Variants in ACOT7 observed in about 807,000 individuals in gnomAD.
ACOT7 encodes the protein acyl-CoA thioesterase 7, also known as cytosolic acyl coenzyme A thioester hydrolase.
A neutral mutation model predicts 40.2 loss-of-function variants in ACOT7; 12 were observed. The ratio of observed to expected loss-of-function variants is 0.30; its 90% CI spans 0.19 to 0.48. The LOEUF (loss-of-function observed/expected upper bound fraction) is 0.48. ACOT7 is among the 20% of genes least tolerant of loss of function. ACOT7 has a pLI of 0.99. For synonymous variants in ACOT7, 228 were observed against 219.5 expected, an observed-to-expected ratio of 1.04 and a Z score of -0.34; for missense variants, 395 against 530.8, an observed-to-expected ratio of 0.74 and a Z score of 2.51.
In ACOT7 at chr1:6,393,689, G is replaced by C. The variant is rs558671807; in HGVS notation, c.-290C>G. 55 of 223,512 alleles carry C rather than the reference G, an allele frequency of 2.5e-4. 1 individual carries two copies. Among genetic ancestry groups the C allele is most frequent in the Non-Finnish European group, 5.2e-5 (6 of 115,124 alleles). The allele number at this position is 223,512 out of a possible 1,614,324, so 13.8% of individuals were successfully genotyped here. The stretch of plus-strand genomic sequence containing the variant: ...GCGCCCGACCCGGTGGCAGCCCCGA[G>C]GGAAGCGTCTGGGGCGGCCTAAGTG... On this transcript the variant is annotated 5_prime_UTR_variant, in exon 1 of 9. Coordinates refer to ENST00000361521, the MANE Select transcript of ACOT7 (RefSeq NM_007274.4).
At chr1:6,269,551 C>T (rs969274617) in intron 8 of ACOT7, among the ~76,000 whole-genome samples, 1 of 152,258 alleles carries the variant, frequency 6.6e-6, no homozygotes, top group Non-Finnish European at 1.5e-5. Flanking sequence ...CAGCCTGAGG[C>T]GGGCACGAGC....
At chr1:6,332,492 C>T (rs1640983573) in intron 4 of ACOT7, among the ~76,000 whole-genome samples, 1 of 152,202 alleles carries the variant, frequency 6.6e-6, no homozygotes, top group Admixed American at 6.5e-5. Flanking sequence ...ATGGCAGGAC[C>T]CCTCTGACAA....
chr1:6,322,320 A>G (rs933493003), intron 5 of ACOT7, among the ~76,000 whole-genome samples: 10 of 152,222 alleles, frequency 6.6e-5, no homozygotes, highest in African/African-American at 2.2e-4. Flanking sequence ...ACTCCATGAC[A>G]TGCTACTTCT....
At chr1:6,348,352 GCA>G (rs1000322091) in intron 2 of ACOT7, among the ~76,000 whole-genome samples, 1 of 148,720 alleles carries the variant, frequency 6.7e-6, no homozygotes, top group African/African-American at 2.5e-5. Flanking sequence ...ACACACACAC[GCA>G]CACACACACA....
chr1:6,339,738 G>A (rs911664052), intron 2 of ACOT7, 149 bp from the exon 3 acceptor site: 10 of 762,266 alleles, frequency 1.3e-5, no homozygotes, highest in African/African-American at 4.6e-5. Flanking sequence ...TTGGCACCGC[G>A]GTTTTTTTTT....
intron 6 of ACOT7, among the ~76,000 whole-genome samples, chr1:6,312,461 C>A (rs575882431): frequency 5.3e-4 from 62 of 116,624 alleles, no homozygotes; most frequent in African/African-American, 1.4e-3. Flanking sequence ...CTCTCCCTTT[C>A]TTTCTTTATT....
Position 6,376,882 on chromosome 1 carries a change from AAAT to A in ACOT7, c.143+16372_143+16374del, listed in dbSNP as rs568413447. The stretch of plus-strand genomic sequence containing the variant: ...TGTCTAAAAAATAAAAAATAAAAAT[AAAT>A]AATAATAAGGTGGGAGGGTGGCGGC... On this transcript the variant is annotated intron_variant, in intron 1 of 8. Transcript: ENST00000361521. Among the ~76,000 whole-genome samples, 12 of 152,220 alleles carry A rather than the reference AAAT, an allele frequency of 7.9e-5. No homozygotes were observed. In the East Asian group the frequency reaches 2.1e-3, roughly 27 times the overall value.
chr1:6,392,322 G>A (rs531311461), intron 1 of ACOT7, among the ~76,000 whole-genome samples: 2 of 152,294 alleles, frequency 1.3e-5, no homozygotes, highest in African/African-American at 4.8e-5. Flanking sequence ...AGGACCGGTC[G>A]CAGGCCACAG....
chr1:6,303,230 A>T (rs1341938698), intron 6 of ACOT7, among the ~76,000 whole-genome samples: 8 of 152,150 alleles, frequency 5.3e-5, no homozygotes, highest in Admixed American at 4.6e-4. Context: ...AGTCCACCGC[A>T]GGCAGTCCTC....
At chr1:6,364,542 CAAA>C (rs553139824) in intron 1 of ACOT7, among the ~76,000 whole-genome samples, 1 of 75,622 alleles carries the variant, frequency 1.3e-5, no homozygotes. Flanking sequence ...GACTCTGTCT[CAAA>C]AAAAAAAAAA....
intron 1 of ACOT7, among the ~76,000 whole-genome samples, chr1:6,382,986 C>G (rs987265570): frequency 6.6e-6 from 1 of 151,368 alleles, no homozygotes; most frequent in Non-Finnish European, 1.5e-5. Context: ...TCAAGTGATT[C>G]TCCTGCCTCA....
chr1:6,360,242 T>C (rs1641857395), intron 1 of ACOT7, among the ~76,000 whole-genome samples: 1 of 152,314 alleles, frequency 6.6e-6, no homozygotes, highest in African/African-American at 2.4e-5. Context: ...AGGAGAGGAT[T>C]CTAAAGGGAT....
chr1:6,296,427 A>T (rs1054197068), intron 6 of ACOT7, among the ~76,000 whole-genome samples: 2 of 144,796 alleles, frequency 1.4e-5, no homozygotes, highest in Non-Finnish European at 3.0e-5. Context: ...TCAATTTTTA[A>T]TTTTTTTTTT....
chr1:6,278,097 A>C lies in ACOT7; in HGVS notation c.1014+3005T>G, dbSNP rs1002063748. On this transcript the variant is annotated intron_variant, in intron 8 of 8. Transcript: ENST00000361521. This position sits in a 1 kb window ranked among gnomAD's most constrained non-coding sequence, Gnocchi z 4.1. ...TCTGCAGTGGCGGGGGGTGGTTGGG[A>C]GGGGGTCTGGGGTGGCGGAGGCGAC... 9.3e-6 allele frequency among the ~76,000 whole-genome samples: 1 copy of C among 108,032 alleles called. No individual in the cohort carries two copies. The highest frequency in any genetic ancestry group is 4.1e-5 in the African/African-American group (1 of 24,468). The allele number at this position is 108,032 out of a possible 152,430, so 70.9% of individuals were successfully genotyped here.
intron 2 of ACOT7, among the ~76,000 whole-genome samples, chr1:6,343,529 C>T (rs1207101020): frequency 6.6e-6 from 1 of 152,274 alleles, no homozygotes; most frequent in Non-Finnish European, 1.5e-5. Context: ...GCAAACCCTG[C>T]CCTACTCACA....
intron 1 of ACOT7, among the ~76,000 whole-genome samples, chr1:6,378,419 G>C (rs561275397): frequency 6.6e-6 from 1 of 151,968 alleles, no homozygotes; most frequent in Non-Finnish European, 1.5e-5. Flanking sequence ...GGCAGGTACC[G>C]TTGGGCCTTC....
chr1:6,308,576 G>A (rs949823613), intron 6 of ACOT7, among the ~76,000 whole-genome samples: 20 of 148,488 alleles, frequency 1.3e-4, no homozygotes, highest in Non-Finnish European at 2.8e-4. Context: ...AGCAACCAGA[G>A]GGAACTACAA....
intron 6 of ACOT7, among the ~76,000 whole-genome samples, chr1:6,317,940 C>T (rs989339147): frequency 8.5e-5 from 13 of 152,184 alleles, no homozygotes; most frequent in African/African-American, 3.1e-4. Flanking sequence ...CCATGTTGGC[C>T]AGGCCGGTCT....
intron 1 of ACOT7, among the ~76,000 whole-genome samples, chr1:6,357,689 A>T (rs1428275160): frequency 6.6e-6 from 1 of 152,148 alleles, no homozygotes; most frequent in East Asian, 1.9e-4. Context: ...CCGGAAGGAA[A>T]GGAGAAGCGG....
Sources: allele counts gnomAD v4.1 joint callset (sites outside exome capture counted in the v4.1 genomes callset), GRCh38; gene constraint gnomAD v4.1.1; non-coding constraint Gnocchi (gnomAD v3.1); transcripts MANE v1.5; gene names NCBI Gene and HGNC (gene_info 2026-07-23, HGNC 2026-07-21).